SDS: variants seen among roughly 807,000 people sequenced by gnomAD.
SDS encodes the protein serine dehydratase.
SDS carries 19 observed loss-of-function variants against 29.3 expected under a neutral mutation model. The ratio of observed to expected loss-of-function variants is 0.65; its 90% CI spans 0.45 to 0.95. The LOEUF (loss-of-function observed/expected upper bound fraction) is 0.95, where lower values mean the gene tolerates loss of function less well. Among genes scored for constraint, SDS ranks in the 40% least tolerant of loss-of-function variants. The probability of loss-of-function intolerance (pLI) is 0.00; values close to 1 mark genes in which losing one functional copy is unlikely to be tolerated. For missense variants in SDS, 375 were observed against 439.9 expected (o/e 0.85, Z 1.32); for synonymous variants, 176 against 189.0 (o/e 0.93, Z 0.56).
At chr12:113,399,820 G>A in intron 1 of SDS, 110 bp from the exon 2 acceptor site, 23 of 1,108,440 alleles carry the variant, frequency 2.1e-5, no homozygotes, top group Non-Finnish European at 2.3e-5. Context: ...GGCCTCAGAC[G>A]AGAGAGCATC....
At chr12:113,403,536 A>AT (rs200165161) in intron 1 of SDS, among the ~76,000 whole-genome samples, 10 of 150,906 alleles carry the variant, frequency 6.6e-5, no homozygotes, top group African/African-American at 2.4e-4. Context: ...AAAAAAAAAA[A>AT]TTTTTTTTGT....
chr12:113,400,544 C>T (rs1957678845), intron 1 of SDS, among the ~76,000 whole-genome samples: 1 of 151,840 alleles, frequency 6.6e-6, no homozygotes, highest in African/African-American at 2.4e-5. Flanking sequence ...GATAATCCAT[C>T]CACACACACA....
chr12:113,399,851 C>T lies in SDS; in HGVS notation c.-2-141G>A, dbSNP rs1191906107. 1.7e-5 allele frequency: 13 copies of T among 760,788 alleles called. 1 individual carries two copies. The highest frequency in any genetic ancestry group is 4.4e-5 in the South Asian group (2 of 45,400). The allele number at this position is 760,788 out of a possible 1,614,324, so 47.1% of individuals were successfully genotyped here. A position where few individuals can be genotyped will look rare whatever the true frequency, so the allele number is the denominator to read the frequency against. On this transcript the variant is annotated intron_variant, in intron 1 of 7. Transcript: ENST00000257549. ...GCATCCTGGAGACCTGGGCTCTAAT[C>T]GCAAGTGGGCCACCTACTCACCATG...
chr12:113,400,650 T>A lies in SDS; in HGVS notation c.-2-940A>T, dbSNP rs1565870631. Reference sequence around the variant, plus strand: ...CACACATATAGTCCACATGTTTCTTTTATATATTTTTTTAATTTTTTTATT... The same window carrying A: ...CACACATATAGTCCACATGTTTCTTATATATATTTTTTTAATTTTTTTATT... On this transcript the variant is annotated intron_variant, in intron 1 of 7. Transcript: ENST00000257549. Among the ~76,000 whole-genome samples the A allele has an allele frequency of 2.0e-5, 3 of 152,126 alleles. No individual in the cohort carries two copies. In the South Asian group the frequency reaches 6.2e-4, roughly 32 times the overall value.
intron 5 of SDS, among the ~76,000 whole-genome samples, chr12:113,397,720 G>T (rs549584320): frequency 6.6e-6 from 1 of 152,160 alleles, no homozygotes; most frequent in Non-Finnish European, 1.5e-5. Flanking sequence ...CAGGGTCCCC[G>T]AGGGATTAAG....
At position 113,392,977 on chromosome 12, in the gene SDS, C is replaced by G; in HGVS notation, c.951G>C (p.Lys317Asn). 1 of 1,614,184 alleles carries G rather than the reference C, an allele frequency of 6.2e-7. No homozygotes were observed. The highest frequency in any genetic ancestry group is 1.3e-5 in the African/African-American group (1 of 75,062). ...ACCTATTTGTCATGCCCAGCTGTTC[C>G]TTGAGCGCCCGCAGCTGGGCCAGGC... is the stretch of plus-strand genomic sequence containing the variant. ...NISLAQLRAL[K>N]EQLGMTNRLP... The change falls in exon 8 of 8, where the codon AAG becomes AAC. Residue 317 changes from lysine to asparagine, a missense_variant. Transcript: ENST00000257549.
Position 113,393,877 on chromosome 12 carries a change from G to C in SDS, c.778+15C>G, listed in dbSNP as rs1041000123. ...TGAGTCAGCAGGTCAGGTCATGGGA[G>C]GACCTGGCACATACCCACGAACTTC... On this transcript the variant is annotated intron_variant, in intron 7 of 7. Transcript: ENST00000257549. 6.2e-7 allele frequency: 1 copy of C among 1,614,064 alleles called. No individual in the cohort carries two copies. The highest frequency in any genetic ancestry group is 8.5e-7 in the Non-Finnish European group (1 of 1,180,028).
At chr12:113,397,437 T>A in intron 5 of SDS, 45 bp from the exon 6 acceptor site, 1 of 1,498,270 alleles carries the variant, frequency 6.7e-7, no homozygotes, top group South Asian at 1.2e-5. Flanking sequence ...CTAGGCTTCC[T>A]GGAGACACCA....
intron 3 of SDS, 105 bp from the exon 4 acceptor site, chr12:113,398,951 C>A: frequency 1.3e-6 from 2 of 1,525,988 alleles, no homozygotes; most frequent in Admixed American, 3.9e-5. Flanking sequence ...CCCTCACCTC[C>A]CCACCCTGGG....
In SDS at chr12:113,396,187, A is replaced by G. The variant is rs1272437707; in HGVS notation, c.653+978T>C. Among the ~76,000 whole-genome samples the G allele has an allele frequency of 2.6e-5, 4 of 151,822 alleles. No homozygotes were observed. The East Asian group carries it at 7.8e-4, about 29-fold the overall frequency. ...GGAGCAAGACTTGTGTTTATGCACC[A>G]CTCTCTCCCCAGATCAGCCAGTGTC... On this transcript the variant is annotated intron_variant, in intron 6 of 7. Coordinates refer to ENST00000257549, the MANE Select transcript of SDS (RefSeq NM_006843.3).
rs758695888 is a variant in SDS, at chr12:113,397,199, C to T, written c.619G>A (p.Ala207Thr). 36 of 1,614,066 alleles carry T rather than the reference C, an allele frequency of 2.2e-5. No individual in the cohort carries two copies. The highest frequency in any genetic ancestry group is 4.5e-5 in the East Asian group (2 of 44,894). Residue 207 changes from alanine to threonine, a missense_variant, in exon 6 of 8, where the codon GCA becomes ACA. Physicochemically the swap from Ala to Thr is moderately conservative, Grantham distance 58 (BLOSUM62 0). Coordinates refer to ENST00000257549, the MANE Select transcript of SDS (RefSeq NM_006843.3). Reference protein sequence around the residue: ...GAHSFHAATTAGKLVSLPKIT... With the variant: ...GAHSFHAATTTGKLVSLPKIT... ...TTGGGCAGGGAGACAAGTTTGCCTG[C>T]GGTGGTGGCAGCGTGGAAGCTGTGG...
At chr12:113,398,668 A>G (rs1957664190) in intron 4 of SDS, 39 bp downstream of exon 4, 2 of 1,608,272 alleles carry the variant, frequency 1.2e-6, no homozygotes, top group Admixed American at 1.7e-5. Flanking sequence ...TCCAGCCACC[A>G]GGCGCCCTCT....
At chr12:113,399,187 T>C in intron 2 of SDS, 36 bp from the exon 3 acceptor site, 1 of 1,609,138 alleles carries the variant, frequency 6.2e-7, no homozygotes, top group East Asian at 2.2e-5. Context: ...CAGGCCCACC[T>C]CCCAGTCATT....
intron 5 of SDS, 43 bp from the exon 6 acceptor site, chr12:113,397,435 C>T (rs1281300681): frequency 6.7e-7 from 1 of 1,499,306 alleles, no homozygotes; most frequent in South Asian, 1.2e-5. Flanking sequence ...GGCTAGGCTT[C>T]CTGGAGACAC....
At position 113,399,460 on chromosome 12, in the gene SDS, C is replaced by T. The variant is rs537122803; in HGVS notation, c.153+96G>A. The stretch of plus-strand genomic sequence containing the variant: ...CTTGCGGGGAGTCAGTAGGCTTATC[C>T]TACAACGCCTTTAATTTCACACAGC... On this transcript the variant is annotated intron_variant, in intron 2 of 7. Coordinates refer to ENST00000257549, the MANE Select transcript of SDS (RefSeq NM_006843.3). 1,303 of 1,362,026 alleles carry T rather than the reference C, an allele frequency of 9.6e-4. 9 individuals are homozygous for T. The highest frequency in any genetic ancestry group is 5.3e-3 in the South Asian group (348 of 65,520). The allele number at this position is 1,362,026 out of a possible 1,614,324, so 84.4% of individuals were successfully genotyped here. A position where few individuals can be genotyped will look rare whatever the true frequency, so the allele number is the denominator to read the frequency against.
rs767907533 is a variant in SDS at position 113,392,944 on chromosome 12, C to G, written c.984G>C (p.Lys328Asn). Residue 328 changes from lysine (K) to asparagine (N), a missense_variant, in exon 8 of 8, where the codon AAG (lysine) becomes AAC (asparagine). Lys to Asn is a moderately conservative substitution (Grantham distance 94, BLOSUM62 0). Transcript: ENST00000257549. ...CAGATCGGTAAGGGGTCCGTCCTCA[C>G]TTGGGCAACCTATTTGTCATGCCCA... is the stretch of plus-strand genomic sequence containing the variant. ...EQLGMTNRLP[K>N] is the part of the protein sequence containing the mutation. 1.2e-6 allele frequency: 2 copies of G among 1,614,098 alleles called. No individual in the cohort carries two copies. The highest frequency in any genetic ancestry group is 3.3e-5 in the Admixed American group (2 of 59,998).
chr12:113,397,326 C>G lies in SDS; in HGVS notation c.492G>C (p.Ala164=), dbSNP rs777637583. Residue 164 remains alanine, a synonymous_variant, in exon 6 of 8, where the codon GCG becomes GCC. Transcript: ENST00000257549. ...GCAGGCCCCCGCCGCCCACTGACAG[C>G]GCGATGGCCCCCGGCTTTTCCCACA... ...ETLWEKPGAI[A]LSVGGGGLLC... is the part of the protein sequence containing the mutation. The G allele has an allele frequency of 1.2e-6, 2 of 1,614,022 alleles. No individual in the cohort carries two copies. Among genetic ancestry groups the G allele is most frequent in the Non-Finnish European group, 1.7e-6 (2 of 1,179,894 alleles).
Position 113,399,117 on chromosome 12 carries a change from G to A in SDS, c.188C>T (p.Ser63Phe). The change falls in exon 3 of 8, where the codon TCC (serine) becomes TTC (phenylalanine). Residue 63 changes from serine (S) to phenylalanine (F), a missense_variant. Ser to Phe is a radical substitution (Grantham distance 155). Coordinates refer to ENST00000257549, the MANE Select transcript of SDS (RefSeq NM_006843.3). ...AKQGCAHFVC[S>F]SAGNAGMAAA... ...TGGGGAAGCAGATCACTTACCCGAG[G>A]AGCAGACAAAATGTGCACAGCCTTG... is the stretch of plus-strand genomic sequence containing the variant. 6.2e-7 allele frequency: 1 copy of A among 1,613,990 alleles called. No homozygotes were observed. The highest frequency in any genetic ancestry group is 8.5e-7 in the Non-Finnish European group (1 of 1,179,952).
chr12:113,393,292 C>T, intron 7 of SDS, 143 bp from the exon 8 acceptor site: 1 of 796,202 alleles, frequency 1.3e-6, no homozygotes, highest in Admixed American at 2.6e-5. Context: ...ACCAAACGTC[C>T]CGTCATCGGC....
Sources: gnomAD v4.1 joint callset for allele counts (sites outside exome capture counted in the v4.1 genomes callset) on GRCh38, gnomAD v4.1.1 for gene constraint, MANE v1.5 for transcripts, NCBI Gene and HGNC (gene_info 2026-07-23, HGNC 2026-07-21) for gene names.